UBR2: variants seen among roughly 807,000 people sequenced by gnomAD.
UBR2 encodes the protein ubiquitin protein ligase E3 component n-recognin 2.
In UBR2, 92 loss-of-function variants were observed where a neutral mutation model predicts 247.9. That is an observed-to-expected ratio of 0.37 (90% CI 0.31 to 0.44). UBR2 has a LOEUF of 0.44. Ranked by LOEUF, UBR2 falls within the 20% of genes least tolerant of loss-of-function variation. UBR2 has a pLI of 1.00. For synonymous variants in UBR2, 672 were observed against 693.5 expected (o/e 0.97, Z 0.49); for missense variants, 1,613 against 2,112.6 (o/e 0.76, Z 4.64).
chr6:42,674,174 T>C lies in UBR2; in HGVS notation c.4232T>C (p.Ile1411Thr). The change falls in exon 38 of 47, where the codon ATT becomes ACT. Residue 1411 changes from isoleucine to threonine, a missense_variant. Ile to Thr is a moderately conservative substitution (Grantham distance 89, BLOSUM62 -1). Transcript: ENST00000372901. ...GAGGAACTTCCATGCATATTAGATA[T>C]TGACATGTTTCATTTATTGGTGGGT... is the stretch of plus-strand genomic sequence containing the variant. Reference protein sequence around the residue: ...SHEELPCILDIDMFHLLVGLV... With the variant: ...SHEELPCILDTDMFHLLVGLV... The C allele has an allele frequency of 6.2e-7, 1 of 1,613,968 alleles. No homozygotes were observed. The highest frequency in any genetic ancestry group is 8.5e-7 in the Non-Finnish European group (1 of 1,179,958).
intron 21 of UBR2, among the ~76,000 whole-genome samples, chr6:42,646,832 G>T (rs1309257325): frequency 2.6e-5 from 4 of 151,166 alleles, no homozygotes; most frequent in Non-Finnish European, 5.9e-5. Context: ...GAGAGAGAGA[G>T]AGAGAGAGAG....
At chr6:42,621,678 T>C (rs765564652) in intron 11 of UBR2, among the ~76,000 whole-genome samples, 5 of 152,132 alleles carry the variant, frequency 3.3e-5, no homozygotes, top group Non-Finnish European at 5.9e-5. Context: ...GTCAGGCTGG[T>C]CTTGAACTCC....
chr6:42,636,909 A>G (rs79579321), intron 14 of UBR2, 102 bp from the exon 15 acceptor site: 19 of 1,294,692 alleles, frequency 1.5e-5, no homozygotes, highest in African/African-American at 3.0e-5. Flanking sequence ...GGTTTTGCCT[A>G]TATTGTTATT....
At chr6:42,577,580 T>A (rs1240111682) in intron 2 of UBR2, among the ~76,000 whole-genome samples, 1 of 145,852 alleles carries the variant, frequency 6.9e-6, no homozygotes, top group Non-Finnish European at 1.5e-5. Flanking sequence ...TAGTGTTGAT[T>A]TTGATAATTG....
intron 11 of UBR2, among the ~76,000 whole-genome samples, chr6:42,628,764 A>C (rs1795513053): frequency 6.6e-6 from 1 of 150,812 alleles, no homozygotes. Context: ...AATTCAAGTG[A>C]TTAGAGTATG....
chr6:42,606,719 T>A, intron 7 of UBR2, 68 bp downstream of exon 7: 1 of 1,326,538 alleles, frequency 7.5e-7, no homozygotes. Flanking sequence ...ATTTCAGCAT[T>A]TATGAACATG....
At chr6:42,605,145 A>AT (rs1484167185) in intron 5 of UBR2, among the ~76,000 whole-genome samples, 3 of 152,024 alleles carry the variant, frequency 2.0e-5, no homozygotes, top group African/African-American at 7.3e-5. Flanking sequence ...ATCTCCCAGT[A>AT]TTTACCTTTG....
At chr6:42,686,556 C>T (rs540877417) in intron 44 of UBR2, among the ~76,000 whole-genome samples, 24 of 152,376 alleles carry the variant, frequency 1.6e-4, no homozygotes, top group African/African-American at 5.8e-4. Flanking sequence ...ACAAAACCGC[C>T]ATCGTCATCA....
At chr6:42,592,757 A>AT (rs1347385050) in intron 3 of UBR2, among the ~76,000 whole-genome samples, 3 of 152,240 alleles carry the variant, frequency 2.0e-5, no homozygotes, top group Admixed American at 6.5e-5. Context: ...CACCCTAATC[A>AT]TAAAACAGAA....
At chr6:42,665,754 T>A (rs1798069589) in intron 33 of UBR2, among the ~76,000 whole-genome samples, 1 of 151,920 alleles carries the variant, frequency 6.6e-6, no homozygotes, top group Admixed American at 6.6e-5. Flanking sequence ...ATTGAAGAGC[T>A]TCTGGAGGTG....
Position 42,688,087 on chromosome 6 carries a change from A to G in UBR2, c.4854-129A>G, listed in dbSNP as rs1799546921. 7.0e-6 allele frequency: 7 copies of G among 1,005,824 alleles called. No individual in the cohort carries two copies. In the South Asian group the frequency reaches 8.9e-5, roughly 13 times the overall value. The allele number at this position is 1,005,824 out of a possible 1,614,324, so 62.3% of individuals were successfully genotyped here. A position where few individuals can be genotyped will look rare whatever the true frequency, so the allele number is the denominator to read the frequency against. On this transcript the variant is annotated intron_variant, in intron 44 of 46. Coordinates refer to ENST00000372901, the MANE Select transcript of UBR2 (RefSeq NM_001363705.2). ...CCAGATTCTAGGAATAAACTTGCAT[A>G]GACTGTAGGATATACACTTCTTTGG... is the stretch of plus-strand genomic sequence containing the variant.
intron 20 of UBR2, 55 bp from the exon 21 acceptor site, chr6:42,645,411 G>T: frequency 6.6e-7 from 1 of 1,507,418 alleles, no homozygotes; most frequent in South Asian, 1.1e-5. Flanking sequence ...TATATATCAC[G>T]AAAGTATTGT....
At chr6:42,629,730 T>C (rs1795582407) in intron 11 of UBR2, among the ~76,000 whole-genome samples, 1 of 152,156 alleles carries the variant, frequency 6.6e-6, no homozygotes, top group Non-Finnish European at 1.5e-5. Context: ...TACCAAATAA[T>C]GTCTGGTATT....
intron 11 of UBR2, among the ~76,000 whole-genome samples, chr6:42,621,746 C>T (rs1048160568): frequency 2.0e-5 from 3 of 152,116 alleles, no homozygotes; most frequent in African/African-American, 7.2e-5. Flanking sequence ...CAGGCGTGAG[C>T]CACCGCGCCA....
chr6:42,615,877 G>A, intron 9 of UBR2, 125 bp from the exon 10 acceptor site: 2 of 676,120 alleles, frequency 3.0e-6, no homozygotes, highest in South Asian at 2.5e-5. Flanking sequence ...GGGCAACACA[G>A]CAAGACACTG....
chr6:42,622,576 G>A (rs1008199010), intron 11 of UBR2, among the ~76,000 whole-genome samples: 3 of 151,130 alleles, frequency 2.0e-5, no homozygotes, highest in African/African-American at 7.3e-5. Context: ...TAGTTTTTTT[G>A]TACTTTTCAT....
intron 23 of UBR2, 58 bp from the exon 24 acceptor site, chr6:42,651,965 C>A: frequency 6.8e-7 from 1 of 1,480,858 alleles, no homozygotes; most frequent in Non-Finnish European, 9.1e-7. Context: ...TAAAAATTAA[C>A]CAGGTGTGGT....
chr6:42,635,852 CA>C (rs1408243025), intron 14 of UBR2, among the ~76,000 whole-genome samples: 1 of 152,010 alleles, frequency 6.6e-6, no homozygotes, highest in East Asian at 1.9e-4. Flanking sequence ...TAAATTTATT[CA>C]AAAATAAAGT....
intron 4 of UBR2, among the ~76,000 whole-genome samples, 184 bp downstream of exon 4, chr6:42,594,488 T>C (rs949217681): frequency 6.6e-6 from 1 of 152,314 alleles, no homozygotes; most frequent in South Asian, 2.1e-4. Context: ...CAGTTGAAAT[T>C]TGGGAAATTT....
Sources: gnomAD v4.1 joint callset for allele counts (sites outside exome capture counted in the v4.1 genomes callset) on GRCh38, gnomAD v4.1.1 for gene constraint, MANE v1.5 for transcripts, NCBI Gene and HGNC (gene_info 2026-07-23, HGNC 2026-07-21) for gene names.